AMACR: variants seen among roughly 807,000 people sequenced by gnomAD.
AMACR encodes the protein 2-methylacyl-CoA racemase.
A neutral mutation model predicts 22.2 loss-of-function variants in AMACR; 18 were observed. The ratio of observed to expected loss-of-function variants is 0.81; its 90% CI spans 0.56 to 1.20. The LOEUF (loss-of-function observed/expected upper bound fraction) is 1.20. Ranked by LOEUF, AMACR falls within the 50% of genes most tolerant of loss-of-function variation. The pLI is 0.00. For synonymous variants in AMACR, 213 were observed against 191.3 expected, an observed-to-expected ratio of 1.11 and a Z score of -0.94; for missense variants, 499 against 490.6, an observed-to-expected ratio of 1.02 and a Z score of -0.16.
intron 4 of AMACR, among the ~76,000 whole-genome samples, chr5:33,992,657 C>T (rs1032215239): frequency 6.6e-6 from 1 of 152,070 alleles, no homozygotes; most frequent in East Asian, 1.9e-4. Flanking sequence ...CTGCAGGAAG[C>T]CATGTTTGTG....
chr5:34,001,834 TG>T (rs758265350), intron 3 of AMACR, among the ~76,000 whole-genome samples: 19 of 152,204 alleles, frequency 1.2e-4, no homozygotes, highest in Non-Finnish European at 2.5e-4. Context: ...CTTCTGCAAT[TG>T]CCTGTGTCAC....
At chr5:33,996,867 T>C in intron 4 of AMACR, 1 of 348,472 alleles carries the variant, frequency 2.9e-6, no homozygotes, top group East Asian at 5.4e-5. Context: ...CTTCGGTGGC[T>C]GCACATGCCA....
chr5:34,004,562 A>AT lies in AMACR; in HGVS notation c.552+11dup, dbSNP rs1205989228. On this transcript the variant is annotated intron_variant, in intron 3 of 4. Transcript: ENST00000335606. ...GGACAAGTGGCAGGCATCTACCCCA[A>AT]TTAATACTTACCATATTTGCATCAA... The AT allele has an allele frequency of 6.2e-7, 1 of 1,614,086 alleles. No individual in the cohort carries two copies. Among genetic ancestry groups the AT allele is most frequent in the South Asian group, 1.1e-5 (1 of 91,088 alleles).
In AMACR at chr5:33,987,114, C is replaced by G. The variant is rs186629199; in HGVS notation, c.*1979G>C. 245 of 152,530 alleles carry G rather than the reference C, an allele frequency of 1.6e-3. 2 individuals carry two copies. Among genetic ancestry groups the G allele is most frequent in the African/African-American group, 5.6e-3 (231 of 41,512 alleles). 9.4% of individuals were successfully genotyped at this position (152,530 alleles called of 1,614,324 possible). A position where few individuals can be genotyped will look rare whatever the true frequency, so the allele number is the denominator to read the frequency against. ...TTCACTGTGGCCTCAAATTCCTGGG[C>G]TCAAGTGATCCTCCTGCCCCACCCT... is the stretch of plus-strand genomic sequence containing the variant. On this transcript the variant is annotated 3_prime_UTR_variant, in exon 5 of 5. Coordinates refer to ENST00000335606, the MANE Select transcript of AMACR (RefSeq NM_014324.6).
In AMACR at chr5:33,988,364, G is replaced by A. The variant is rs748965693; in HGVS notation, c.*729C>T. 3.9e-6 allele frequency: 6 copies of A among 1,540,004 alleles called. No homozygotes were observed. The highest frequency in any genetic ancestry group is 3.6e-5 in the South Asian group (3 of 84,182). On this transcript the variant is annotated 3_prime_UTR_variant, in exon 5 of 5. Coordinates refer to ENST00000335606, the MANE Select transcript of AMACR (RefSeq NM_014324.6). ...AAGATCCAGAACTTGCTACCAGCCT[G>A]AGGAGAAATCAAACACATGGAGAAA...
Position 34,007,747 on chromosome 5 carries a change from G to A in AMACR, c.247+26C>T, listed in dbSNP as rs202165761. 1,259 of 1,530,332 alleles carry A rather than the reference G, an allele frequency of 8.2e-4. 10 individuals carry two copies. In the African/African-American group the frequency reaches 0.016, roughly 19 times the overall value. The allele number at this position is 1,530,332 out of a possible 1,614,324, so 94.8% of individuals were successfully genotyped here. ...CCTCCCCTCCGCGGGAACTTCCCGA[G>A]AGCAGCCCGCGGGGCCCGGGCTCAC... On this transcript the variant is annotated intron_variant, in intron 1 of 4. Transcript: ENST00000335606.
chr5:33,994,334 A>G (rs908398627), intron 4 of AMACR, among the ~76,000 whole-genome samples: 1 of 152,118 alleles, frequency 6.6e-6, no homozygotes, highest in Non-Finnish European at 1.5e-5. Flanking sequence ...ACGCGCCACC[A>G]TACCTGACTA....
chr5:34,006,052 A>C (rs1048044530), intron 1 of AMACR, among the ~76,000 whole-genome samples, 153 bp from the exon 2 acceptor site: 2 of 152,234 alleles, frequency 1.3e-5, no homozygotes, highest in African/African-American at 4.8e-5. Flanking sequence ...TAAGGACTCA[A>C]AGAGTGAAGC....
At chr5:33,995,274 C>T (rs1753602159) in intron 4 of AMACR, among the ~76,000 whole-genome samples, 1 of 152,160 alleles carries the variant, frequency 6.6e-6, no homozygotes, top group African/African-American at 2.4e-5. Flanking sequence ...CTAAGGGCCC[C>T]AAAGGTTGTA....
chr5:34,002,582 C>T (rs974501660), intron 3 of AMACR, among the ~76,000 whole-genome samples: 4 of 152,172 alleles, frequency 2.6e-5, no homozygotes, highest in African/African-American at 9.7e-5. Flanking sequence ...GGCAGTGCTT[C>T]GGACCCTTTC....
intron 1 of AMACR, 70 bp downstream of exon 1, chr5:34,007,703 T>C (rs2112077191): frequency 1.4e-5 from 21 of 1,458,588 alleles, no homozygotes; most frequent in South Asian, 1.1e-4. Context: ...GGGTGCAGCC[T>C]CGATCGAACG....
At chr5:34,004,758 A>C (rs1295977898) in intron 2 of AMACR, 24 bp from the exon 3 acceptor site, 1 of 1,612,096 alleles carries the variant, frequency 6.2e-7, no homozygotes, top group African/African-American at 1.3e-5. Context: ...AACAAATTTA[A>C]TGTCTCTTTT....
intron 3 of AMACR, among the ~76,000 whole-genome samples, chr5:34,000,747 A>C (rs1753791286): frequency 6.6e-6 from 1 of 152,248 alleles, no homozygotes; most frequent in Non-Finnish European, 1.5e-5. Context: ...ATACAGTAAT[A>C]AACTGAATAC....
intron 4 of AMACR, among the ~76,000 whole-genome samples, chr5:33,994,462 G>A (rs962430372): frequency 6.6e-6 from 1 of 152,182 alleles, no homozygotes; most frequent in African/African-American, 2.4e-5. Context: ...TACAGGCATA[G>A]CCATCGCACC....
At chr5:33,992,964 T>C (rs957920303) in intron 4 of AMACR, among the ~76,000 whole-genome samples, 34 of 152,220 alleles carry the variant, frequency 2.2e-4, no homozygotes, top group Admixed American at 1.9e-3. Context: ...TACTAGGGCA[T>C]TAAGTACACT....
chr5:34,004,856 T>C, intron 2 of AMACR, 122 bp from the exon 3 acceptor site: 1 of 1,163,280 alleles, frequency 8.6e-7, no homozygotes, highest in Non-Finnish European at 1.2e-6. Context: ...AAAGCTAGTA[T>C]ACATCACTTT....
chr5:33,998,897 T>C, intron 3 of AMACR, 70 bp from the exon 4 acceptor site: 1 of 1,490,812 alleles, frequency 6.7e-7, no homozygotes, highest in Non-Finnish European at 9.3e-7. Context: ...TTCCTCCCAT[T>C]CAAGTTAAAA....
chr5:34,006,936 G>A lies in AMACR; in HGVS notation c.247+837C>T, dbSNP rs547309513. 2.6e-5 allele frequency among the ~76,000 whole-genome samples: 4 copies of A among 152,362 alleles called. No homozygotes were observed. The South Asian group carries it at 8.3e-4, about 32-fold the overall frequency. ...CCCAAACACCAGTTTTTAAAAGGCTGTCACACCAGTGTCAAGGCAGTTGCA... is the reference window on the plus strand; with the variant it reads ...CCCAAACACCAGTTTTTAAAAGGCTATCACACCAGTGTCAAGGCAGTTGCA... On this transcript the variant is annotated intron_variant, in intron 1 of 4. Transcript: ENST00000335606.
intron 4 of AMACR, chr5:33,994,177 T>C (rs962212306): frequency 7.2e-6 from 3 of 417,056 alleles, no homozygotes; most frequent in Non-Finnish European, 1.5e-5. Flanking sequence ...CAAAAATTAT[T>C]ACTATTATTG....
Sources: gnomAD v4.1 joint callset for allele counts (sites outside exome capture counted in the v4.1 genomes callset) on GRCh38, gnomAD v4.1.1 for gene constraint, MANE v1.5 for transcripts, NCBI Gene and HGNC (gene_info 2026-07-23, HGNC 2026-07-21) for gene names.